Variants in ITCH observed in about 807,000 individuals in gnomAD.
ITCH encodes itchy E3 ubiquitin protein ligase.
A neutral mutation model predicts 126.8 loss-of-function variants in ITCH; 28 were observed. That is an observed-to-expected ratio of 0.22 (90% CI 0.16 to 0.30). The LOEUF (loss-of-function observed/expected upper bound fraction) is 0.30. ITCH is among the 10% of genes least tolerant of loss of function. ITCH has a pLI of 1.00. For missense variants in ITCH, 631 were observed against 1,032.4 expected (o/e 0.61, Z 5.33); for synonymous variants, 342 against 340.0 (o/e 1.01, Z -0.06).
intron 14 of ITCH, among the ~76,000 whole-genome samples, chr20:34,464,202 A>G (rs1986812156): frequency 6.8e-6 from 1 of 146,868 alleles, no homozygotes; most frequent in Admixed American, 6.8e-5. Flanking sequence ...ATTAGCCAGG[A>G]TGGTCTTGAT....
intron 14 of ITCH, among the ~76,000 whole-genome samples, chr20:34,467,070 T>A (rs1484199232): frequency 2.0e-5 from 3 of 152,230 alleles, no homozygotes; most frequent in Non-Finnish European, 4.4e-5. Flanking sequence ...CATCACTGTA[T>A]ATTTTATAGA....
intron 3 of ITCH, chr20:34,402,537 C>T: frequency 1.4e-6 from 1 of 740,304 alleles, no homozygotes; most frequent in Non-Finnish European, 2.5e-6. Context: ...AATCCTCTTG[C>T]TCTGCAGTAT....
At chr20:34,416,109 G>A (rs979841841) in intron 6 of ITCH, among the ~76,000 whole-genome samples, 5 of 145,190 alleles carry the variant, frequency 3.4e-5, no homozygotes, top group East Asian at 2.1e-4. Flanking sequence ...GTGACAGAGC[G>A]AGACTCTGGC....
chr20:34,405,001 T>C (rs148636146), intron 3 of ITCH, among the ~76,000 whole-genome samples: 21 of 152,046 alleles, frequency 1.4e-4, no homozygotes, highest in African/African-American at 5.1e-4. Flanking sequence ...TTCCTGGATG[T>C]GGTGGCACGC....
chr20:34,471,233 A>G (rs1348440670), intron 15 of ITCH, among the ~76,000 whole-genome samples: 1 of 152,174 alleles, frequency 6.6e-6, no homozygotes, highest in East Asian at 1.9e-4. Flanking sequence ...ATATGAGATC[A>G]ATCTTGTGGT....
chr20:34,404,573 C>A (rs1232185219), intron 3 of ITCH, among the ~76,000 whole-genome samples: 1 of 151,986 alleles, frequency 6.6e-6, no homozygotes, highest in Non-Finnish European at 1.5e-5. Flanking sequence ...GCGCCTGCCA[C>A]CATGTCTGGC....
intron 3 of ITCH, among the ~76,000 whole-genome samples, chr20:34,401,135 C>T (rs1389536829): frequency 6.6e-6 from 1 of 152,134 alleles, no homozygotes. Context: ...ATCAGCTCTT[C>T]GTTTCTTCTT....
At chr20:34,438,380 T>C (rs1983299625) in intron 7 of ITCH, 94 bp from the exon 8 acceptor site, 1 of 1,364,728 alleles carries the variant, frequency 7.3e-7, no homozygotes, top group Non-Finnish European at 1.0e-6. Context: ...CTTAAAAACT[T>C]AGAAGTTTTC....
intron 13 of ITCH, among the ~76,000 whole-genome samples, chr20:34,459,831 G>T (rs1986344755): frequency 6.6e-6 from 1 of 152,100 alleles, no homozygotes; most frequent in Non-Finnish European, 1.5e-5. Flanking sequence ...CTTTTTAAAT[G>T]GAGTTACTGC....
At position 34,508,747 on chromosome 20, in the gene ITCH, A is replaced by G. The variant is rs553372534; in HGVS notation, c.*953A>G. On this transcript the variant is annotated 3_prime_UTR_variant, in exon 25 of 25. Coordinates refer to ENST00000374864, the MANE Select transcript of ITCH (RefSeq NM_031483.7). ...AATTCATCTAAAGATGTCTCTGGTG[A>G]TTTTTATATGTTCCGCTATATAATT... 9 of 152,272 alleles carry G rather than the reference A, an allele frequency of 5.9e-5. No individual in the cohort carries two copies. The East Asian group carries it at 1.7e-3, about 29-fold the overall frequency. 9.4% of individuals were successfully genotyped at this position (152,272 alleles called of 1,614,324 possible).
intron 9 of ITCH, among the ~76,000 whole-genome samples, chr20:34,441,367 T>G (rs1448607239): frequency 6.6e-6 from 1 of 152,180 alleles, no homozygotes; most frequent in Non-Finnish European, 1.5e-5. Context: ...CCTGATTATT[T>G]TAAGATTATT....
intron 2 of ITCH, among the ~76,000 whole-genome samples, chr20:34,393,378 C>T (rs957676324): frequency 4.6e-5 from 7 of 152,072 alleles, no homozygotes; most frequent in African/African-American, 1.7e-4. Context: ...AGCATGGTGG[C>T]ACCCACTTAT....
rs1171765663 is a variant in ITCH at position 34,364,724 on chromosome 20, C to CAAAAAAAAAAAAAA, written c.-99+1381_-99+1394dup. Among the ~76,000 whole-genome samples the CAAAAAAAAAAAAAA allele has an allele frequency of 1.2e-3, 55 of 45,552 alleles. 3 individuals carry two copies. The highest frequency in any genetic ancestry group is 4.9e-3 in the African/African-American group (41 of 8,422). 29.9% of individuals were successfully genotyped at this position (45,552 alleles called of 152,430 possible). On this transcript the variant is annotated intron_variant, in intron 1 of 24. Transcript: ENST00000374864. ...TGAAACCCCGTCTCTACTAAAAATA[C>CAAAAAAAAAAAAAA]AAAAAAAAAAAAAAAAAAATCCTGG...
intron 7 of ITCH, among the ~76,000 whole-genome samples, chr20:34,427,120 G>C (rs1168195092): frequency 6.6e-6 from 1 of 152,128 alleles, no homozygotes; most frequent in Non-Finnish European, 1.5e-5. Context: ...AACTCATCAA[G>C]ATCTTTAGGA....
chr20:34,418,712 C>A (rs1446054381), intron 6 of ITCH, among the ~76,000 whole-genome samples: 1 of 151,668 alleles, frequency 6.6e-6, no homozygotes, highest in African/African-American at 2.4e-5. Flanking sequence ...AATTTACTTC[C>A]CCACAAAAGG....
chr20:34,462,473 T>C (rs1986634123), intron 14 of ITCH, among the ~76,000 whole-genome samples: 1 of 152,204 alleles, frequency 6.6e-6, no homozygotes, highest in Non-Finnish European at 1.5e-5. Context: ...ATTGTACTGC[T>C]TACCAATTAG....
At position 34,486,755 on chromosome 20, in the gene ITCH, T is replaced by C. The variant is rs570877473; in HGVS notation, c.2094-2511T>C. Among the ~76,000 whole-genome samples, 5 of 152,006 alleles carry C rather than the reference T, an allele frequency of 3.3e-5. No individual in the cohort carries two copies. The East Asian group carries it at 9.6e-4, about 29-fold the overall frequency. ...CTTTGTCACCCAGGCTGGAGTGCAG[T>C]GGTGAAATCTTGCCTCACGGCAGCG... On this transcript the variant is annotated intron_variant, in intron 20 of 24. Coordinates refer to ENST00000374864, the MANE Select transcript of ITCH (RefSeq NM_031483.7).
intron 12 of ITCH, among the ~76,000 whole-genome samples, chr20:34,456,641 A>AC (rs1275410838): frequency 6.9e-6 from 1 of 144,418 alleles, no homozygotes; most frequent in Non-Finnish European, 1.5e-5. Context: ...TCCAAAAAAA[A>AC]AAATATATAT....
At chr20:34,363,887 A>G (rs1217838524) in intron 1 of ITCH, among the ~76,000 whole-genome samples, 1 of 151,638 alleles carries the variant, frequency 6.6e-6, no homozygotes, top group Admixed American at 6.6e-5. Context: ...TCCTCCTTCC[A>G]TTGTCCCCCC....
Sources: gnomAD v4.1 joint callset for allele counts (sites outside exome capture counted in the v4.1 genomes callset) on GRCh38, gnomAD v4.1.1 for gene constraint, MANE v1.5 for transcripts, NCBI Gene and HGNC (gene_info 2026-07-23, HGNC 2026-07-21) for gene names.